Variants in ST7L observed in about 807,000 individuals in gnomAD.
ST7L encodes suppressor of tumorigenicity 7 protein-like.
In ST7L, 57 loss-of-function variants were observed where a neutral mutation model predicts 72.5. That is an observed-to-expected ratio of 0.79 (90% CI 0.64 to 0.98). ST7L has a LOEUF of 0.98. Ranked by LOEUF, ST7L falls within the 50% of genes least tolerant of loss-of-function variation. The probability of loss-of-function intolerance (pLI) is 0.00; values close to 1 mark genes in which losing one functional copy is unlikely to be tolerated. For synonymous variants in ST7L, 221 were observed against 240.9 expected (o/e 0.92, Z 0.77); for missense variants, 576 against 672.2 (o/e 0.86, Z 1.58).
intron 6 of ST7L, 130 bp downstream of exon 6, chr1:112,591,395 A>C: frequency 1.4e-6 from 1 of 702,938 alleles, no homozygotes; most frequent in Non-Finnish European, 2.3e-6. Context: ...ATTTTATTAA[A>C]TATCTATAAC....
intron 6 of ST7L, among the ~76,000 whole-genome samples, chr1:112,590,466 T>C (rs1665525034): frequency 1.3e-5 from 2 of 152,190 alleles, no homozygotes; most frequent in Non-Finnish European, 2.9e-5. Context: ...GTTTATTATT[T>C]TGGCATTCTT....
At chr1:112,602,099 A>G (rs112028230) in intron 3 of ST7L, among the ~76,000 whole-genome samples, 2,550 of 150,386 alleles carry the variant, frequency 0.017, 87 homozygotes, top group African/African-American at 0.059. Context: ...AAAAAAAAAA[A>G]AAAAGAAAAG....
chr1:112,540,662 A>C (rs1655952321), intron 14 of ST7L: 2 of 1,181,220 alleles, frequency 1.7e-6, no homozygotes, highest in Non-Finnish European at 2.1e-6. Flanking sequence ...CTGGTGCCAG[A>C]AAAAAGCCAA....
At chr1:112,599,073 A>AAAAATATATAT (rs1190968815) in intron 4 of ST7L, among the ~76,000 whole-genome samples, 23 of 56,976 alleles carry the variant, frequency 4.0e-4, no homozygotes, top group Non-Finnish European at 4.9e-4. Flanking sequence ...AAAAAAAAAA[A>AAAAATATATAT]ATATATATAT....
At chr1:112,580,281 T>C (rs1458154661) in intron 9 of ST7L, among the ~76,000 whole-genome samples, 1 of 152,216 alleles carries the variant, frequency 6.6e-6, no homozygotes, top group African/African-American at 2.4e-5. Flanking sequence ...CCCGAGCAGC[T>C]GGGACTACAG....
Position 112,550,657 on chromosome 1 carries a change from T to C in ST7L, c.1433A>G (p.His478Arg). ...RMIPYPLEKG[H>R]LFYPYPSCTE... ...GCAGCTGGGATAAGGGTAAAATAGA[T>C]GTCCTTTCTCTAACGGGTATGGAAT... is the stretch of plus-strand genomic sequence containing the variant. The change falls in exon 13 of 15, where the codon CAT becomes CGT. Residue 478 changes from histidine (H) to arginine (R), a missense_variant. This residue lies in a region of ST7L where 511 missense variants were observed against 600.7 expected (regional missense o/e 0.85). Transcript: ENST00000358039. The C allele has an allele frequency of 6.2e-7, 1 of 1,613,532 alleles. No homozygotes were observed.
intron 12 of ST7L, among the ~76,000 whole-genome samples, chr1:112,551,756 G>C (rs1658230198): frequency 6.6e-6 from 1 of 152,158 alleles, no homozygotes; most frequent in Admixed American, 6.5e-5. Context: ...CATTAGCTAA[G>C]TACATAAATC....
intron 7 of ST7L, among the ~76,000 whole-genome samples, chr1:112,583,700 C>T (rs1298617606): frequency 2.0e-5 from 3 of 152,176 alleles, no homozygotes; most frequent in African/African-American, 7.2e-5. Context: ...CAATGACCAG[C>T]CCAATTCTCA....
At chr1:112,568,330 A>ATTTTTTTTTT in intron 11 of ST7L, among the ~76,000 whole-genome samples, 1 of 116,812 alleles carries the variant, frequency 8.6e-6, no homozygotes, top group Non-Finnish European at 1.7e-5. Context: ...CTGTAATAAT[A>ATTTTTTTTTT]TTTTTTTTTT....
chr1:112,582,356 C>T lies in ST7L; in HGVS notation c.954+19G>A, dbSNP rs2101880411. On this transcript the variant is annotated intron_variant, in intron 8 of 14. Transcript: ENST00000358039. ...TTCTGGAGGAATAAATGTAATAGTCCCATCATCAATTTACTTACATCTCTC... is the reference window on the plus strand; with the variant it reads ...TTCTGGAGGAATAAATGTAATAGTCTCATCATCAATTTACTTACATCTCTC... 6.6e-7 allele frequency: 1 copy of T among 1,515,924 alleles called. No individual in the cohort carries two copies. The highest frequency in any genetic ancestry group is 9.1e-7 in the Non-Finnish European group (1 of 1,095,988). 93.9% of individuals were successfully genotyped at this position (1,515,924 alleles called of 1,614,324 possible).
chr1:112,586,340 C>G (rs1050344763), intron 6 of ST7L, among the ~76,000 whole-genome samples: 1 of 152,030 alleles, frequency 6.6e-6, no homozygotes, highest in African/African-American at 2.4e-5. Flanking sequence ...ACTTTGGAGG[C>G]TGAGGCAAGA....
chr1:112,520,212 G>A, downstream of ST7L: 1 of 1,438,722 alleles, frequency 7.0e-7, no homozygotes, highest in Non-Finnish European at 9.6e-7. Context: ...TTCTGAGAAT[G>A]TGGTTAAGGG....
At chr1:112,540,320 G>T in intron 14 of ST7L, 1 of 985,378 alleles carries the variant, frequency 1.0e-6, no homozygotes, top group Non-Finnish European at 1.2e-6. Flanking sequence ...CTATTAAATG[G>T]ATGGAATTCT....
At chr1:112,546,179 C>T (rs1055382837) in intron 13 of ST7L, among the ~76,000 whole-genome samples, 1 of 151,918 alleles carries the variant, frequency 6.6e-6, no homozygotes, top group East Asian at 1.9e-4. Context: ...ATTAGCCAGG[C>T]ATGGTGGCAC....
intron 5 of ST7L, among the ~76,000 whole-genome samples, chr1:112,592,613 TA>T (rs1280510298): frequency 2.0e-5 from 3 of 152,196 alleles, no homozygotes; most frequent in Non-Finnish European, 4.4e-5. Context: ...AAATAATGCA[TA>T]ATACTAGACT....
chr1:112,578,493 C>T (rs1432175237), intron 9 of ST7L, 76 bp from the exon 10 acceptor site: 14 of 1,332,350 alleles, frequency 1.1e-5, no homozygotes, highest in South Asian at 2.4e-5. Flanking sequence ...GAATAATTCA[C>T]GGCCAGGCAT....
intron 14 of ST7L, among the ~76,000 whole-genome samples, chr1:112,536,710 A>G (rs989071117): frequency 6.6e-6 from 1 of 152,076 alleles, no homozygotes; most frequent in Non-Finnish European, 1.5e-5. Context: ...AGCAGATTGT[A>G]AGGCCCTAGT....
At position 112,548,666 on chromosome 1, in the gene ST7L, T is replaced by A. The variant is rs186787983; in HGVS notation, c.1489+1935A>T. Among the ~76,000 whole-genome samples, 26 of 152,332 alleles carry A rather than the reference T, an allele frequency of 1.7e-4. 1 individual carries two copies. Among genetic ancestry groups the A allele is most frequent in the African/African-American group, 6.0e-4 (25 of 41,574 alleles). ...GTAAAAACTGTAGCACAGGTTTATA[T>A]CACATAAGAAAACATGGTCCTAGTG... On this transcript the variant is annotated intron_variant, in intron 13 of 14. Transcript: ENST00000358039.
intron 3 of ST7L, among the ~76,000 whole-genome samples, chr1:112,608,983 T>C (rs1668666002): frequency 6.6e-6 from 1 of 152,186 alleles, no homozygotes; most frequent in Admixed American, 6.5e-5. Flanking sequence ...TCATTTGTAT[T>C]ATTACTATAT....
Sources: gnomAD v4.1 joint callset for allele counts (sites outside exome capture counted in the v4.1 genomes callset) on GRCh38, gnomAD v4.1.1 for gene constraint, gnomAD v4.1.1 regional missense constraint, MANE v1.5 for transcripts, NCBI Gene and HGNC (gene_info 2026-07-23, HGNC 2026-07-21) for gene names.